The following GABRA2 variants were observed in gnomAD, a reference collection of about 807,000 sequenced individuals.
GABRA2 encodes gamma-aminobutyric acid receptor subunit alpha-2.
A neutral mutation model predicts 48.7 loss-of-function variants in GABRA2; 16 were observed. The observed-to-expected ratio is 0.33, with a 90% CI of 0.22 to 0.50. The LOEUF (loss-of-function observed/expected upper bound fraction) is 0.50, where lower values mean the gene tolerates loss of function less well. GABRA2 is among the 20% of genes least tolerant of loss of function. The pLI, the probability that GABRA2 is intolerant of heterozygous loss-of-function variation, is 0.98. For missense variants in GABRA2, 275 were observed against 535.6 expected, an observed-to-expected ratio of 0.51 and a Z score of 4.80; for synonymous variants, 185 against 184.5, an observed-to-expected ratio of 1.00 and a Z score of -0.02.
chr4:46,312,953 T>C (rs1727902775), intron 4 of GABRA2, among the ~76,000 whole-genome samples: 1 of 151,900 alleles, frequency 6.6e-6, no homozygotes, highest in Admixed American at 6.6e-5. Flanking sequence ...AAGAAGTAAA[T>C]TCACTTTGGC....
In GABRA2 at chr4:46,247,832, C is replaced by T. The variant is rs1038145654; in HGVS notation, c.*2476G>A. The stretch of plus-strand genomic sequence containing the variant: ...CCTAGTCTCCCCACAAGAGAAGAAG[C>T]TCCTTTTGATTTATTTAAACATTAA... On this transcript the variant is annotated 3_prime_UTR_variant, in exon 10 of 10. Coordinates refer to ENST00000381620, the MANE Select transcript of GABRA2 (RefSeq NM_000807.4). 2.0e-5 allele frequency among the ~76,000 whole-genome samples: 3 copies of T among 151,202 alleles called. No homozygotes were observed. Among genetic ancestry groups the T allele is most frequent in the African/African-American group, 7.3e-5 (3 of 41,316 alleles).
chr4:46,332,791 G>T, intron 3 of GABRA2, 109 bp from the exon 4 acceptor site: 1 of 624,482 alleles, frequency 1.6e-6, no homozygotes, highest in Non-Finnish European at 2.8e-6. Context: ...AAATTCGGGA[G>T]TACTGGGTTT....
At chr4:46,283,096 TAGCTATCA>T (rs2109475911) in intron 8 of GABRA2, among the ~76,000 whole-genome samples, 1 of 152,302 alleles carries the variant, frequency 6.6e-6, no homozygotes, top group East Asian at 1.9e-4. Flanking sequence ...CAGAAACTAC[TAGCTATCA>T]ATCTGATAGA....
intron 4 of GABRA2, among the ~76,000 whole-genome samples, chr4:46,322,079 T>C (rs1194776715): frequency 6.6e-6 from 1 of 152,002 alleles, no homozygotes; most frequent in Admixed American, 6.6e-5. Flanking sequence ...TGTTCCCGTT[T>C]TACTACTCTC....
chr4:46,282,632 T>C (rs1473085775), intron 8 of GABRA2, among the ~76,000 whole-genome samples: 1 of 152,190 alleles, frequency 6.6e-6, no homozygotes, highest in Non-Finnish European at 1.5e-5. Flanking sequence ...AGATCTGTTT[T>C]TCCCAGAAGT....
chr4:46,320,587 G>C (rs1262187578), intron 4 of GABRA2, among the ~76,000 whole-genome samples: 2 of 151,738 alleles, frequency 1.3e-5, no homozygotes, highest in Non-Finnish European at 2.9e-5. Flanking sequence ...CAACTCAATA[G>C]GTAAAGAATC....
chr4:46,313,591 T>C (rs73812843), intron 4 of GABRA2, among the ~76,000 whole-genome samples: 7 of 122,480 alleles, frequency 5.7e-5, no homozygotes, highest in African/African-American at 3.5e-4. Flanking sequence ...CTCTCTCTCT[T>C]TACCTCTCTC....
Position 46,245,521 on chromosome 4 carries a change from C to A in GABRA2, c.*4787G>T, listed in dbSNP as rs1713555227. On this transcript the variant is annotated 3_prime_UTR_variant, in exon 10 of 10. Coordinates refer to ENST00000381620, the MANE Select transcript of GABRA2 (RefSeq NM_000807.4). Reference sequence around the variant, plus strand: ...CCATATGCATAACTCAAACCTAATTCTAATTAATAAGTTTGTTATGGATTT... The same window carrying A: ...CCATATGCATAACTCAAACCTAATTATAATTAATAAGTTTGTTATGGATTT... 6.6e-6 allele frequency among the ~76,000 whole-genome samples: 1 copy of A among 151,144 alleles called. No individual in the cohort carries two copies. The highest frequency in any genetic ancestry group is 1.5e-5 in the Non-Finnish European group (1 of 67,466).
At chr4:46,303,399 T>C (rs1726094003) in intron 8 of GABRA2, 61 bp downstream of exon 8, 9 of 1,466,298 alleles carry the variant, frequency 6.1e-6, no homozygotes, top group Admixed American at 1.7e-5. Flanking sequence ...AGAGAGATAA[T>C]GTTTTTGAAA....
At chr4:46,285,854 T>G (rs547946849) in intron 8 of GABRA2, among the ~76,000 whole-genome samples, 3 of 152,036 alleles carry the variant, frequency 2.0e-5, no homozygotes, top group Non-Finnish European at 4.4e-5. Flanking sequence ...ACTTGCAAAG[T>G]TTTCAGTAGA....
chr4:46,344,221 G>C lies in GABRA2; in HGVS notation c.188-11539C>G, dbSNP rs556385871. On this transcript the variant is annotated intron_variant, in intron 3 of 9. Transcript: ENST00000381620. Reference sequence around the variant, plus strand: ...TACAGAGAGATAGTGACTAAAAGTAGAGGAGAATACAGTATCTCAAAGACT... The same window carrying C: ...TACAGAGAGATAGTGACTAAAAGTACAGGAGAATACAGTATCTCAAAGACT... Among the ~76,000 whole-genome samples, 3 of 152,120 alleles carry C rather than the reference G, an allele frequency of 2.0e-5. No homozygotes were observed. The South Asian group carries it at 6.2e-4, about 32-fold the overall frequency.
At chr4:46,291,798 C>T (rs375898605) in intron 8 of GABRA2, among the ~76,000 whole-genome samples, 38 of 110,960 alleles carry the variant, frequency 3.4e-4, no homozygotes, top group Middle Eastern at 5.1e-3. Context: ...TATACATATA[C>T]ATATATATGT....
intron 3 of GABRA2, 79 bp downstream of exon 3, chr4:46,385,995 G>T (rs558679708): frequency 1.3e-6 from 1 of 783,722 alleles, no homozygotes; most frequent in Non-Finnish European, 2.1e-6. Flanking sequence ...ATATATAAAA[G>T]TATTAAAATA....
chr4:46,260,292 G>T (rs1159847271), intron 9 of GABRA2, among the ~76,000 whole-genome samples: 2 of 151,786 alleles, frequency 1.3e-5, no homozygotes, highest in African/African-American at 2.4e-5. Flanking sequence ...CTGAAAATTA[G>T]GTTGGAACCT....
chr4:46,303,785 T>G (rs573835851), intron 7 of GABRA2, among the ~76,000 whole-genome samples, 173 bp from the exon 8 acceptor site: 2 of 152,340 alleles, frequency 1.3e-5, no homozygotes, highest in South Asian at 4.1e-4. Context: ...CATGAGTGTT[T>G]AGAAGAAAAT....
At position 46,249,333 on chromosome 4, in the gene GABRA2, T is replaced by C. The variant is rs1577737542; in HGVS notation, c.*975A>G. 1 of 151,442 alleles carries C rather than the reference T, an allele frequency of 6.6e-6. No homozygotes were observed. Among genetic ancestry groups the C allele is most frequent in the African/African-American group, 2.4e-5 (1 of 41,336 alleles). 9.4% of individuals were successfully genotyped at this position (151,442 alleles called of 1,614,324 possible). A position where few individuals can be genotyped will look rare whatever the true frequency, so the allele number is the denominator to read the frequency against. On this transcript the variant is annotated 3_prime_UTR_variant, in exon 10 of 10. Transcript: ENST00000381620. ...TTGAAAAGAAGCCTTAAGGCAGAAT[T>C]TGCAGTAAACAGGAAAGAGGAGAAT...
intron 6 of GABRA2, among the ~76,000 whole-genome samples, chr4:46,306,452 A>G (rs563757545): frequency 1.3e-5 from 2 of 152,316 alleles, no homozygotes; most frequent in South Asian, 2.1e-4. Context: ...CAGAGATGGC[A>G]TGCAGGCAAC....
chr4:46,256,471 A>AT (rs1715860622), intron 9 of GABRA2: 1 of 399,572 alleles, frequency 2.5e-6, no homozygotes, highest in East Asian at 3.6e-5. Context: ...TTAAAAAAAA[A>AT]ATAAAACATT....
At chr4:46,273,443 C>G (rs1719748412) in intron 8 of GABRA2, among the ~76,000 whole-genome samples, 1 of 51,470 alleles carries the variant, frequency 1.9e-5, no homozygotes, top group Admixed American at 1.8e-4. Context: ...TATATTTAGA[C>G]AGTCTCTCTA....
Sources: allele counts gnomAD v4.1 joint callset (sites outside exome capture counted in the v4.1 genomes callset), GRCh38; gene constraint gnomAD v4.1.1; transcripts MANE v1.5; gene names NCBI Gene and HGNC (gene_info 2026-07-23, HGNC 2026-07-21).